IQANK1: variants seen among roughly 807,000 people sequenced by gnomAD.
IQANK1 encodes IQ motif and ankyrin repeat containing 1, also known as IQ motif and ankyrin repeat domain-containing protein 1.
IQANK1 carries 30 observed loss-of-function variants against 22.6 expected under a neutral mutation model. The ratio of observed to expected loss-of-function variants is 1.33; its 90% CI spans 0.99 to 1.80. The LOEUF is 1.80. Among genes scored for constraint, IQANK1 ranks in the 40% most tolerant of loss-of-function variants. The pLI is 0.00. For synonymous variants in IQANK1, 122 were observed against 99.6 expected (o/e 1.23, Z -1.34); for missense variants, 275 against 235.2 (o/e 1.17, Z -1.11).
chr8:143,768,421 G>A (rs1819517351), intron 3 of IQANK1, among the ~76,000 whole-genome samples: 1 of 151,938 alleles, frequency 6.6e-6, no homozygotes, highest in Non-Finnish European at 1.5e-5. Flanking sequence ...TTTTCCTTTC[G>A]TGGTTGATAC....
rs1420556545 is a variant in IQANK1 at position 143,740,211 on chromosome 8, C to T, written c.175+263C>T. 3.3e-5 allele frequency among the ~76,000 whole-genome samples: 5 copies of T among 151,990 alleles called. No individual in the cohort carries two copies. The East Asian group carries it at 9.7e-4, about 29-fold the overall frequency. Reference sequence around the variant, plus strand: ...ACCTCCCCGCCGCCCGGGTGCGTGGCCTCTCGGGAAGACCCTACCCTGCGC... The same window carrying T: ...ACCTCCCCGCCGCCCGGGTGCGTGGTCTCTCGGGAAGACCCTACCCTGCGC... On this transcript the variant is annotated intron_variant, in intron 3 of 13. Coordinates refer to ENST00000527139, the MANE Select transcript of IQANK1 (RefSeq NM_001381874.1).
chr8:143,768,475 T>C (rs1488235238), intron 3 of IQANK1, among the ~76,000 whole-genome samples: 2 of 152,114 alleles, frequency 1.3e-5, no homozygotes, highest in African/African-American at 4.8e-5. Flanking sequence ...ATTCTGCTTC[T>C]CTTCAAACCC....
intron 3 of IQANK1, chr8:143,744,522 G>T (rs955068435): frequency 2.6e-5 from 4 of 152,216 alleles, no homozygotes; most frequent in Admixed American, 2.0e-4. Flanking sequence ...CACTCGCGGC[G>T]TGGCAGCTCT....
chr8:143,775,091 CAT>C (rs782632925), intron 7 of IQANK1, among the ~76,000 whole-genome samples: 5 of 152,144 alleles, frequency 3.3e-5, no homozygotes, highest in South Asian at 4.1e-4. Context: ...CAAAACTGCA[CAT>C]GTGAGAAAAT....
At chr8:143,748,995 A>G (rs1282025129) in intron 3 of IQANK1, among the ~76,000 whole-genome samples, 5 of 72,300 alleles carry the variant, frequency 6.9e-5, no homozygotes, top group Admixed American at 3.5e-4. Context: ...ATATAAATAT[A>G]TATCATAAAT....
At chr8:143,766,904 G>A (rs1011679274) in intron 3 of IQANK1, among the ~76,000 whole-genome samples, 1 of 152,134 alleles carries the variant, frequency 6.6e-6, no homozygotes, top group Non-Finnish European at 1.5e-5. Flanking sequence ...CTCCTCATAC[G>A]GGTTTCTGAT....
At chr8:143,790,095 T>G in intron 12 of IQANK1, 31 bp downstream of exon 12, 8 of 1,232,080 alleles carry the variant, frequency 6.5e-6, no homozygotes, top group Non-Finnish European at 8.1e-6. Flanking sequence ...GTGGGCGATT[T>G]GGGGTTTGGA....
intron 3 of IQANK1, chr8:143,746,307 C>A (rs1285318122): frequency 6.6e-6 from 1 of 152,164 alleles, no homozygotes; most frequent in Non-Finnish European, 1.5e-5. Context: ...CATAAATGAT[C>A]TATATCAGGC....
chr8:143,746,153 C>A (rs1819029148), intron 3 of IQANK1: 1 of 152,208 alleles, frequency 6.6e-6, no homozygotes, highest in South Asian at 2.1e-4. Flanking sequence ...CCTTAGATTT[C>A]TTTTCCTTGC....
chr8:143,781,981 G>T (rs1171526831), intron 7 of IQANK1, among the ~76,000 whole-genome samples: 2 of 152,070 alleles, frequency 1.3e-5, no homozygotes, highest in Non-Finnish European at 2.9e-5. Context: ...TGCCTTTTCT[G>T]ATTTCTTTGA....
rs1448757341 is a variant in IQANK1 at position 143,771,632 on chromosome 8, G to C, written c.306+14G>C. ...CCGCAGAAGGAGGTGAGGACGGGCA[G>C]CCGCAACAGCCGGGGGCCAGGCAGG... On this transcript the variant is annotated intron_variant, in intron 4 of 13. Transcript: ENST00000527139. The surrounding 1 kb of genome is among the most constrained non-coding windows in gnomAD (Gnocchi z 6.0). 1 of 399,138 alleles carries C rather than the reference G, an allele frequency of 2.5e-6. No individual in the cohort carries two copies. Among genetic ancestry groups the C allele is most frequent in the Non-Finnish European group, 4.4e-6 (1 of 226,730 alleles). The allele number at this position is 399,138 out of a possible 1,614,324, so 24.7% of individuals were successfully genotyped here.
intron 7 of IQANK1, among the ~76,000 whole-genome samples, chr8:143,779,180 C>A (rs782241203): frequency 6.6e-6 from 1 of 152,142 alleles, no homozygotes; most frequent in Non-Finnish European, 1.5e-5. Context: ...CATTAATGTG[C>A]CCATTCCACC....
At chr8:143,743,645 G>A (rs548510009) in intron 3 of IQANK1, among the ~76,000 whole-genome samples, 4 of 152,268 alleles carry the variant, frequency 2.6e-5, no homozygotes, top group South Asian at 2.1e-4. Context: ...CTGAACTTCC[G>A]TAGATCTGGC....
intron 3 of IQANK1, among the ~76,000 whole-genome samples, chr8:143,749,911 GTTA>G (rs1369047312): frequency 2.6e-5 from 4 of 151,412 alleles, no homozygotes; most frequent in Admixed American, 6.6e-5. Flanking sequence ...CATATTTATA[GTTA>G]TTATATATTC....
At chr8:143,788,528 C>A (rs564581944) in intron 7 of IQANK1, among the ~76,000 whole-genome samples, 14 of 152,316 alleles carry the variant, frequency 9.2e-5, no homozygotes, top group African/African-American at 3.1e-4. Context: ...GCACATCCTG[C>A]GGGCCAGCCT....
chr8:143,790,211 C>T lies in IQANK1; in HGVS notation c.1364C>T (p.Thr455Met), dbSNP rs185457673. The change falls in exon 13 of 14, where the codon ACG becomes ATG. Residue 455 changes from threonine to methionine, a missense_variant. Coordinates refer to ENST00000527139, the MANE Select transcript of IQANK1 (RefSeq NM_001381874.1). ...TACCAGGATACCAACTATGTGGACA[C>T]GGTGAACCCGGAGCCCCTGAGGCCG... ...LRYQDTNYVD[T>M]VNPEPLRPET... 17 of 1,232,002 alleles carry T rather than the reference C, an allele frequency of 1.4e-5. No homozygotes were observed. Among genetic ancestry groups the T allele is most frequent in the East Asian group, 6.3e-5 (2 of 31,710 alleles). The allele number at this position is 1,232,002 out of a possible 1,614,324, so 76.3% of individuals were successfully genotyped here. A position where few individuals can be genotyped will look rare whatever the true frequency, so the allele number is the denominator to read the frequency against.
intron 3 of IQANK1, among the ~76,000 whole-genome samples, chr8:143,768,291 G>C (rs1819514304): frequency 6.6e-6 from 1 of 152,072 alleles, no homozygotes; most frequent in Non-Finnish European, 1.5e-5. Flanking sequence ...CACCGCTTGT[G>C]ACGTTGCCCT....
intron 2 of IQANK1, among the ~76,000 whole-genome samples, chr8:143,739,119 T>G (rs1818825075): frequency 6.6e-6 from 1 of 152,154 alleles, no homozygotes; most frequent in South Asian, 2.1e-4. Context: ...GGGCTGGCTG[T>G]CCTGCACTGC....
Position 143,766,453 on chromosome 8 carries a change from C to T in IQANK1, c.176-5035C>T, listed in dbSNP as rs553760342. 4.9e-4 allele frequency among the ~76,000 whole-genome samples: 75 copies of T among 152,084 alleles called. 1 individual carries two copies. Among genetic ancestry groups the T allele is most frequent in the African/African-American group, 1.8e-3 (74 of 41,494 alleles). On this transcript the variant is annotated intron_variant, in intron 3 of 13. Coordinates refer to ENST00000527139, the MANE Select transcript of IQANK1 (RefSeq NM_001381874.1). ...TGGGAGGCTGAGGTGGGTGGATCAC[C>T]TGAGGTCAGGAGTTCAAGACCAGCC...
Sources: gnomAD v4.1 joint callset for allele counts (sites outside exome capture counted in the v4.1 genomes callset) on GRCh38, gnomAD v4.1.1 for gene constraint, Gnocchi (gnomAD v3.1) non-coding constraint, MANE v1.5 for transcripts, NCBI Gene and HGNC (gene_info 2026-07-23, HGNC 2026-07-21) for gene names.